Variants in STK33 observed in about 807,000 individuals in gnomAD.
STK33 encodes the protein serine/threonine-protein kinase 33.
STK33 carries 52 observed loss-of-function variants against 58.0 expected under a neutral mutation model. That is an observed-to-expected ratio of 0.90 (90% CI 0.72 to 1.13). The LOEUF (loss-of-function observed/expected upper bound fraction) is 1.13, where lower values mean the gene tolerates loss of function less well. STK33 is among the 50% of genes most tolerant of loss of function. The probability of loss-of-function intolerance (pLI) is 0.00; values close to 1 mark genes in which losing one functional copy is unlikely to be tolerated. For synonymous variants in STK33, 215 were observed against 200.1 expected (o/e 1.07, Z -0.63); for missense variants, 630 against 604.2 (o/e 1.04, Z -0.45).
In STK33 at chr11:8,392,460, T is replaced by A; in HGVS notation, c.*50A>T. 1 of 1,604,490 alleles carries A rather than the reference T, an allele frequency of 6.2e-7. No individual in the cohort carries two copies. The highest frequency in any genetic ancestry group is 8.5e-7 in the Non-Finnish European group (1 of 1,173,554). ...TTCCCCTCCTACCCCCTCATCAAAG[T>A]GCTAACAAGAGCAGCTTTGTTTTTG... On this transcript the variant is annotated 3_prime_UTR_variant, in exon 16 of 16. Coordinates refer to ENST00000687296, the MANE Select transcript of STK33 (RefSeq NM_001352389.2).
chr11:8,454,775 T>G lies in STK33; in HGVS notation c.755A>C (p.Asp252Ala). The G allele has an allele frequency of 6.3e-7, 1 of 1,577,834 alleles. No individual in the cohort carries two copies. Among genetic ancestry groups the G allele is most frequent in the Non-Finnish European group, 8.6e-7 (1 of 1,159,014 alleles). ...GTTTAAGTTTATTTCATTGTTATCA[T>G]CAATAAGACTGCTTTTAACCATTAT... ...ENIMVKSSLIDDNNEINLNIK... is the reference protein window; with the variant it reads ...ENIMVKSSLIADNNEINLNIK... The change falls in exon 10 of 16, where the codon GAT (aspartate) becomes GCT (alanine). Residue 252 changes from aspartate to alanine, a missense_variant. Coordinates refer to ENST00000687296, the MANE Select transcript of STK33 (RefSeq NM_001352389.2).
At chr11:8,400,754 T>C (rs1156678485) in intron 15 of STK33, among the ~76,000 whole-genome samples, 1 of 152,244 alleles carries the variant, frequency 6.6e-6, no homozygotes, top group Non-Finnish European at 1.5e-5. Flanking sequence ...CTTAAGCTGA[T>C]AGGCAACTTC....
At chr11:8,551,134 AT>A (rs879439089) in intron 1 of STK33, among the ~76,000 whole-genome samples, 91 of 146,968 alleles carry the variant, frequency 6.2e-4, no homozygotes, top group Non-Finnish European at 6.2e-4. Context: ...ATTCTGAATA[AT>A]TTTTTTTTTT....
chr11:8,549,117 A>G (rs1956137193), intron 1 of STK33, among the ~76,000 whole-genome samples: 1 of 152,160 alleles, frequency 6.6e-6, no homozygotes, highest in South Asian at 2.1e-4. Context: ...TTGGTCATAT[A>G]TGGTCTTTAT....
chr11:8,352,813 T>C, the STK33 span, among the ~76,000 whole-genome samples: 1 of 152,184 alleles, frequency 6.6e-6, no homozygotes, highest in East Asian at 1.9e-4. Context: ...TTAATAACCA[T>C]TCTAGGTTAA....
In STK33 at chr11:8,413,674, C is replaced by A. The variant is rs758076205; in HGVS notation, c.1165G>T (p.Val389Leu). ...QWLTGNKLSS[V>L]RPTNVLEMMK... ...ATCTCTAATACATTGGTTGGTCTCA[C>A]CGAAGAAAGTTTATTGCCCTAATAT... The change falls in exon 15 of 16, where the codon GTG becomes TTG. Residue 389 changes from valine (V) to leucine (L), a missense_variant. By Grantham distance (32) the Val-to-Leu change is conservative (BLOSUM62 1). Coordinates refer to ENST00000687296, the MANE Select transcript of STK33 (RefSeq NM_001352389.2). 6.2e-7 allele frequency: 1 copy of A among 1,613,618 alleles called. No homozygotes were observed.
intron 1 of STK33, among the ~76,000 whole-genome samples, chr11:8,481,959 G>A (rs999836789): frequency 6.6e-6 from 1 of 152,220 alleles, no homozygotes; most frequent in Non-Finnish European, 1.5e-5. Context: ...TGCAGACAGA[G>A]TAACTAACAA....
At chr11:8,503,195 T>C (rs145626324) in intron 1 of STK33, among the ~76,000 whole-genome samples, 2 of 152,228 alleles carry the variant, frequency 1.3e-5, no homozygotes, top group African/African-American at 4.8e-5. Flanking sequence ...CTGTTTACAA[T>C]AGCAAAGACA....
chr11:8,528,968 T>C lies in STK33; in HGVS notation c.-465-48354A>G, dbSNP rs1310130763. On this transcript the variant is annotated intron_variant, in intron 1 of 15. Transcript: ENST00000687296. ...CACTATGTGAGTATTACTAGTGTTA[T>C]CATTATCCCTGTTTTTTATAATAGC... Among the ~76,000 whole-genome samples the C allele has an allele frequency of 2.6e-5, 4 of 152,256 alleles. No individual in the cohort carries two copies. In the East Asian group the frequency reaches 7.7e-4, roughly 29 times the overall value.
intron 14 of STK33, among the ~76,000 whole-genome samples, chr11:8,419,947 A>G (rs1024748869): frequency 6.6e-6 from 1 of 152,096 alleles, no homozygotes; most frequent in African/African-American, 2.4e-5. Context: ...ACCATGGATA[A>G]TCTCAATTAT....
At chr11:8,435,017 A>C (rs1039618526) in intron 14 of STK33, among the ~76,000 whole-genome samples, 2 of 152,214 alleles carry the variant, frequency 1.3e-5, no homozygotes, top group Non-Finnish European at 2.9e-5. Context: ...CTGTGCTTGA[A>C]GCATTAGTCT....
chr11:8,379,931 C>T, the STK33 span, among the ~76,000 whole-genome samples: 1 of 152,172 alleles, frequency 6.6e-6, no homozygotes, highest in Admixed American at 6.5e-5. Flanking sequence ...CCTCCAGCTC[C>T]ATCCATATTC....
intron 15 of STK33, among the ~76,000 whole-genome samples, chr11:8,409,956 C>T (rs1164405838): frequency 6.6e-6 from 1 of 151,864 alleles, no homozygotes; most frequent in Non-Finnish European, 1.5e-5. Context: ...AATCTGAATC[C>T]AGGCAGCCTA....
chr11:8,545,424 T>C (rs1565326492), intron 1 of STK33, among the ~76,000 whole-genome samples: 1 of 152,180 alleles, frequency 6.6e-6, no homozygotes, highest in South Asian at 2.1e-4. Flanking sequence ...AAACGAAATA[T>C]AAATATCCCA....
chr11:8,502,385 G>A (rs913087674), intron 1 of STK33, among the ~76,000 whole-genome samples: 2 of 152,096 alleles, frequency 1.3e-5, no homozygotes, highest in Admixed American at 1.3e-4. Flanking sequence ...ATGGGAAAAG[G>A]ACTCCCTATT....
rs35296353 is a variant in STK33 at position 8,392,682 on chromosome 11, G to T, written c.1373C>A (p.Ala458Glu). ...CATATCAAAGTTGTCCTTACTGGTT[G>T]CAGGAAATTGCTTTTCATAAGCAGT... ...QSTAYEKQFP[A>E]TSKDNFDMCS... Residue 458 changes from alanine (A) to glutamate (E), a missense_variant, in exon 16 of 16, where the codon GCA (alanine) becomes GAA (glutamate). Coordinates refer to ENST00000687296, the MANE Select transcript of STK33 (RefSeq NM_001352389.2). 0.019 allele frequency: 30,045 copies of T among 1,614,168 alleles called. 669 individuals carry two copies. Among genetic ancestry groups the T allele is most frequent in the South Asian group, 0.076 (6,902 of 91,074 alleles).
chr11:8,577,906 T>C (rs1338217507), intron 1 of STK33, among the ~76,000 whole-genome samples: 2 of 152,102 alleles, frequency 1.3e-5, no homozygotes, highest in South Asian at 2.1e-4. Context: ...GCAAGAATCA[T>C]ACCATAACCC....
At chr11:8,385,950 A>G in the STK33 span, among the ~76,000 whole-genome samples, 1 of 151,298 alleles carries the variant, frequency 6.6e-6, no homozygotes, top group Non-Finnish European at 1.5e-5. Flanking sequence ...AATTTTTTGT[A>G]TTTTTAGTAG....
At chr11:8,377,473 A>G in the STK33 span, among the ~76,000 whole-genome samples, 1 of 152,210 alleles carries the variant, frequency 6.6e-6, no homozygotes, top group African/African-American at 2.4e-5. Context: ...ACTTACCCCA[A>G]AATAATAAAA....
Sources: gnomAD v4.1 joint callset for allele counts (sites outside exome capture counted in the v4.1 genomes callset) on GRCh38, gnomAD v4.1.1 for gene constraint, MANE v1.5 for transcripts, NCBI Gene and HGNC (gene_info 2026-07-23, HGNC 2026-07-21) for gene names.